Variants in UBOX5 observed in about 807,000 individuals in gnomAD.
The protein encoded by UBOX5 is RING finger protein 37.
Under a neutral mutation model 39.0 loss-of-function variants are expected in UBOX5, and 28 were observed. The observed-to-expected ratio is 0.72, with a 90% confidence interval of 0.53 to 0.98. The LOEUF (loss-of-function observed/expected upper bound fraction) is 0.98, where lower values mean the gene tolerates loss of function less well. Among genes scored for constraint, UBOX5 ranks in the 50% least tolerant of loss-of-function variants. The pLI is 0.00. For missense variants in UBOX5, 585 were observed against 674.4 expected (o/e 0.87, Z 1.47); for synonymous variants, 283 against 275.5 (o/e 1.03, Z -0.27).
chr20:3,136,815 C>T (rs1490847217), intron 1 of UBOX5, among the ~76,000 whole-genome samples: 1 of 151,844 alleles, frequency 6.6e-6, no homozygotes, highest in Non-Finnish European at 1.5e-5. Flanking sequence ...GGCACCATGC[C>T]CAGCTAATTT....
At chr20:3,117,304 C>T (rs1458363251) in intron 3 of UBOX5, among the ~76,000 whole-genome samples, 3 of 151,536 alleles carry the variant, frequency 2.0e-5, no homozygotes, top group Non-Finnish European at 4.4e-5. Context: ...CACACACACA[C>T]ACACACACAC....
At position 3,122,038 on chromosome 20, in the gene UBOX5, A is replaced by C. The variant is rs1431903348; in HGVS notation, c.601T>G (p.Cys201Gly). Residue 201 changes from cysteine (C) to glycine (G), a missense_variant, in exon 3 of 5, where the codon TGC (cysteine) becomes GGC (glycine). Cys to Gly is a radical substitution (Grantham distance 159). Transcript: ENST00000217173. ...ATGCTGTCTATCACTTCCTGGGAGC[A>C]GGTCTTGGCCGGCTGACCCCACACT... ...LEVWGQPAKT[C>G]SQEVIDSILL... The C allele has an allele frequency of 6.2e-7, 1 of 1,614,136 alleles. No homozygotes were observed. The highest frequency in any genetic ancestry group is 8.5e-7 in the Non-Finnish European group (1 of 1,180,052).
Position 3,126,217 on chromosome 20 carries a change from C to T in UBOX5, c.-41-2811G>A, listed in dbSNP as rs988979899. 3.3e-5 allele frequency among the ~76,000 whole-genome samples: 5 copies of T among 152,100 alleles called. No homozygotes were observed. The South Asian group carries it at 6.2e-4, about 19-fold the overall frequency. ...TAATCTATAACCTTACCCCCAACCC[C>T]GTGCTCTCTGAATCATGTGCTGTGT... On this transcript the variant is annotated intron_variant, in intron 1 of 4. Transcript: ENST00000217173.
chr20:3,129,704 G>A (rs770360328), intron 1 of UBOX5, among the ~76,000 whole-genome samples: 42 of 152,138 alleles, frequency 2.8e-4, no homozygotes, highest in Non-Finnish European at 5.3e-4. Flanking sequence ...CTCTCTTGGA[G>A]ACCCATAAGA....
intron 1 of UBOX5, among the ~76,000 whole-genome samples, chr20:3,155,527 T>C (rs1043671917): frequency 2.0e-5 from 3 of 150,842 alleles, no homozygotes; most frequent in Non-Finnish European, 4.4e-5. Flanking sequence ...CGAAACTCCA[T>C]CTCAAAAAAA....
At chr20:3,120,445 G>A (rs958312416) in intron 3 of UBOX5, among the ~76,000 whole-genome samples, 2 of 150,260 alleles carry the variant, frequency 1.3e-5, no homozygotes. Flanking sequence ...TCAGGAGATT[G>A]AGACCATCCT....
chr20:3,130,182 T>C (rs1423181405), intron 1 of UBOX5, among the ~76,000 whole-genome samples: 1 of 151,906 alleles, frequency 6.6e-6, no homozygotes, highest in African/African-American at 2.4e-5. Context: ...ATCACACCAC[T>C]GTACTCCATC....
intron 1 of UBOX5, among the ~76,000 whole-genome samples, chr20:3,158,689 T>G (rs1287870849): frequency 6.6e-6 from 1 of 151,954 alleles, no homozygotes; most frequent in East Asian, 1.9e-4. Context: ...TTAGCCAAGA[T>G]GGTCTCGATC....
At chr20:3,158,942 A>ACAAAACGC (rs1176627087) in intron 1 of UBOX5, among the ~76,000 whole-genome samples, 1 of 152,256 alleles carries the variant, frequency 6.6e-6, no homozygotes, top group Non-Finnish European at 1.5e-5. Context: ...TGACTGGAGC[A>ACAAAACGC]CAAAACGCCA....
intron 1 of UBOX5, among the ~76,000 whole-genome samples, chr20:3,133,261 C>T (rs2066443860): frequency 6.6e-6 from 1 of 152,102 alleles, no homozygotes; most frequent in South Asian, 2.1e-4. Context: ...ATGCCTTCTG[C>T]CTTAACAGAA....
chr20:3,136,182 T>C (rs573865589), intron 1 of UBOX5: 31 of 152,112 alleles, frequency 2.0e-4, no homozygotes, highest in African/African-American at 7.2e-4. Flanking sequence ...AGGAATAAAC[T>C]GGTAATCCCA....
At chr20:3,146,917 G>C (rs375423888) in intron 1 of UBOX5, 1 of 1,614,044 alleles carries the variant, frequency 6.2e-7, no homozygotes, top group Non-Finnish European at 8.5e-7. Context: ...TCTTCATATT[G>C]TGCAGTCCAA....
At chr20:3,138,157 C>T (rs1369520780) in intron 1 of UBOX5, among the ~76,000 whole-genome samples, 1 of 151,920 alleles carries the variant, frequency 6.6e-6, no homozygotes, top group Non-Finnish European at 1.5e-5. Flanking sequence ...CCTGTAGTCC[C>T]AGCTACTCAG....
chr20:3,151,056 TTGTG>T (rs1053984220), intron 1 of UBOX5, among the ~76,000 whole-genome samples: 4 of 150,562 alleles, frequency 2.7e-5, no homozygotes, highest in Non-Finnish European at 4.4e-5. Context: ...TAGTGTGTGT[TTGTG>T]TGTGTGTTTG....
At chr20:3,115,577 G>A (rs1360008688) in intron 3 of UBOX5, 111 bp from the exon 4 acceptor site, 2 of 1,188,882 alleles carry the variant, frequency 1.7e-6, no homozygotes, top group Non-Finnish European at 1.1e-6. Flanking sequence ...ACACATCAAT[G>A]TAATGAAACT....
intron 1 of UBOX5, chr20:3,148,014 T>A: frequency 6.2e-7 from 1 of 1,614,198 alleles, no homozygotes; most frequent in African/African-American, 1.3e-5. Flanking sequence ...AAGGAGCGAC[T>A]ACTCAGATGC....
intron 1 of UBOX5, among the ~76,000 whole-genome samples, chr20:3,133,010 GTGAT>G (rs1568475450): frequency 6.6e-6 from 1 of 151,922 alleles, no homozygotes; most frequent in Non-Finnish European, 1.5e-5. Flanking sequence ...GGGGGAAAAA[GTGAT>G]TGAAAACAAC....
In UBOX5 at chr20:3,109,901, C is replaced by T. The variant is rs781585171; in HGVS notation, c.*205G>A. Reference sequence around the variant, plus strand: ...TGGCAGGGAGGCAGGGACATCCCCCCGCCCTCTGGCCTATGGCTTTGTTGC... The same window carrying T: ...TGGCAGGGAGGCAGGGACATCCCCCTGCCCTCTGGCCTATGGCTTTGTTGC... On this transcript the variant is annotated 3_prime_UTR_variant, in exon 5 of 5. Transcript: ENST00000217173. The T allele has an allele frequency of 6.9e-5, 44 of 641,594 alleles. No individual in the cohort carries two copies. Among genetic ancestry groups the T allele is most frequent in the Non-Finnish European group, 9.4e-5 (35 of 373,990 alleles). 39.7% of individuals were successfully genotyped at this position (641,594 alleles called of 1,614,324 possible). A position where few individuals can be genotyped will look rare whatever the true frequency, so the allele number is the denominator to read the frequency against.
chr20:3,146,556 T>C (rs1462874185), intron 1 of UBOX5: 3 of 516,948 alleles, frequency 5.8e-6, no homozygotes, highest in Non-Finnish European at 1.0e-5. Flanking sequence ...GTTTATTATT[T>C]ACTAAGAGTA....
Sources: gnomAD v4.1 joint callset for allele counts (sites outside exome capture counted in the v4.1 genomes callset) on GRCh38, gnomAD v4.1.1 for gene constraint, MANE v1.5 for transcripts, NCBI Gene and HGNC (gene_info 2026-07-23, HGNC 2026-07-21) for gene names.